Variants in LRRC4B observed in about 807,000 individuals in gnomAD.
LRRC4B encodes the protein leucine rich repeat containing 4B.
In LRRC4B, 1 loss-of-function variant was observed where a neutral mutation model predicts 7.3. That is an observed-to-expected ratio of 0.14 (90% CI 0.05 to 0.65). The LOEUF is 0.65. Ranked by LOEUF, LRRC4B falls within the 30% of genes least tolerant of loss-of-function variation. LRRC4B has a pLI of 0.84. For missense variants in LRRC4B, 730 were observed against 1,041.6 expected (o/e 0.70, Z 4.12); for synonymous variants, 500 against 499.2 (o/e 1.00, Z -0.02).
chr19:50,533,002 C>T (rs575710393), intron 2 of LRRC4B, among the ~76,000 whole-genome samples: 2 of 152,276 alleles, frequency 1.3e-5, no homozygotes, highest in Non-Finnish European at 2.9e-5. Context: ...TGCTTTTTAC[C>T]TTCGTGTGCA....
chr19:50,535,075 A>T (rs113053524), intron 2 of LRRC4B, among the ~76,000 whole-genome samples: 2 of 152,008 alleles, frequency 1.3e-5, no homozygotes, highest in South Asian at 4.2e-4. Context: ...TCACTGTGTT[A>T]GCCAGGATGG....
chr19:50,521,325 T>C (rs1980570768), intron 2 of LRRC4B, among the ~76,000 whole-genome samples: 1 of 152,056 alleles, frequency 6.6e-6, no homozygotes, highest in African/African-American at 2.4e-5. Context: ...GATTGAAAGG[T>C]GCTACATTGG....
At chr19:50,543,529 C>T (rs1045509171) in intron 2 of LRRC4B, among the ~76,000 whole-genome samples, 2 of 152,008 alleles carry the variant, frequency 1.3e-5, no homozygotes, top group Non-Finnish European at 2.9e-5. Context: ...CGGATGTCCC[C>T]CCGGTGTTGT....
Position 50,535,300 on chromosome 19 carries a change from G to C in LRRC4B, c.297+13242C>G, listed in dbSNP as rs1047263612. ...TGATTCTCCCACCTTAGCCTCCTGA[G>C]TAGCTGGGATTGCAGGTGCAAACAA... On this transcript the variant is annotated intron_variant, in intron 2 of 2. Transcript: ENST00000652263. Among the ~76,000 whole-genome samples the C allele has an allele frequency of 3.4e-4, 51 of 152,164 alleles. 2 individuals carry two copies. The highest frequency in any genetic ancestry group is 4.1e-4 in the South Asian group (2 of 4,828).
chr19:50,549,350 C>T (rs1244944117), intron 1 of LRRC4B, among the ~76,000 whole-genome samples: 22 of 152,194 alleles, frequency 1.4e-4, no homozygotes, highest in Admixed American at 1.3e-3. Context: ...CCCGCCCGGT[C>T]CCCTTGCCAC....
intron 2 of LRRC4B, among the ~76,000 whole-genome samples, chr19:50,532,787 C>T (rs781516542): frequency 3.9e-5 from 6 of 152,214 alleles, no homozygotes; most frequent in Admixed American, 2.0e-4. Context: ...AGGCCAAATT[C>T]GTGACAGACT....
intron 1 of LRRC4B, among the ~76,000 whole-genome samples, chr19:50,560,180 A>G (rs913297247): frequency 2.6e-5 from 4 of 152,132 alleles, no homozygotes; most frequent in South Asian, 4.2e-4. Context: ...CTGCATCGCC[A>G]TATCTAGGGT....
chr19:50,562,067 G>C (rs1251956850), intron 1 of LRRC4B, among the ~76,000 whole-genome samples: 1 of 151,254 alleles, frequency 6.6e-6, no homozygotes, highest in Middle Eastern at 3.4e-3. Context: ...GCAGTGAGCC[G>C]AGATCGCGCC....
chr19:50,522,757 C>T (rs1468979914), intron 2 of LRRC4B, among the ~76,000 whole-genome samples: 1 of 152,212 alleles, frequency 6.6e-6, no homozygotes, highest in East Asian at 1.9e-4. Flanking sequence ...GGATTACCGG[C>T]GTGAGCCACC....
At position 50,518,066 on chromosome 19, in the gene LRRC4B, C is replaced by A; in HGVS notation, c.1647G>T (p.Thr549=). The A allele has an allele frequency of 6.3e-7, 1 of 1,588,670 alleles. No individual in the cohort carries two copies. The highest frequency in any genetic ancestry group is 8.5e-7 in the Non-Finnish European group (1 of 1,170,332). Residue 549 remains threonine, a synonymous_variant, in exon 3 of 3, where the codon ACG becomes ACT. Coordinates refer to ENST00000652263, the MANE Select transcript of LRRC4B (RefSeq NM_001080457.2). ...TAPAPRSSRP[T]EKAFTVPITD... is the part of the protein sequence containing the mutation. ...TGATGGGCACCGTGAACGCCTTCTC[C>A]GTGGGCCGCGAGGAGCGCGGGGCGG... is the stretch of plus-strand genomic sequence containing the variant.
chr19:50,525,453 T>A (rs1183243888), intron 2 of LRRC4B, among the ~76,000 whole-genome samples: 2 of 150,928 alleles, frequency 1.3e-5, no homozygotes, highest in African/African-American at 4.9e-5. Context: ...TTGCCTAGGC[T>A]GGAGTGCAAT....
intron 1 of LRRC4B, among the ~76,000 whole-genome samples, chr19:50,554,295 G>A (rs375154655): frequency 3.3e-5 from 5 of 151,974 alleles, no homozygotes; most frequent in African/African-American, 1.2e-4. Context: ...GTACCTGGCC[G>A]AGGAAGCACA....
chr19:50,561,966 T>C (rs1196511833), intron 1 of LRRC4B, among the ~76,000 whole-genome samples: 1 of 151,296 alleles, frequency 6.6e-6, no homozygotes, highest in Non-Finnish European at 1.5e-5. Flanking sequence ...AATAAATAAA[T>C]AAGCCAGGTG....
chr19:50,517,359 C>T lies in LRRC4B; in HGVS notation c.*212G>A, dbSNP rs914008402. ...TCACCGGGGATTGGCGGGGGTGAGGCGAGGATCCCAGAGACTCCGCTCCTG... is the reference window on the plus strand; with the variant it reads ...TCACCGGGGATTGGCGGGGGTGAGGTGAGGATCCCAGAGACTCCGCTCCTG... On this transcript the variant is annotated 3_prime_UTR_variant, in exon 3 of 3. Coordinates refer to ENST00000652263, the MANE Select transcript of LRRC4B (RefSeq NM_001080457.2). The surrounding 1 kb of genome is among the most constrained non-coding windows in gnomAD (Gnocchi z 6.6). 2 of 400,024 alleles carry T rather than the reference C, an allele frequency of 5.0e-6. No individual in the cohort carries two copies. The highest frequency in any genetic ancestry group is 6.4e-4 in the Middle Eastern group (1 of 1,574). The allele number at this position is 400,024 out of a possible 1,614,324, so 24.8% of individuals were successfully genotyped here.
intron 2 of LRRC4B, among the ~76,000 whole-genome samples, chr19:50,530,925 AC>A (rs1211220176): frequency 1.2e-5 from 1 of 82,690 alleles, no homozygotes; most frequent in Non-Finnish European, 2.5e-5. Flanking sequence ...TTTAGTAGAA[AC>A]CTGGGGGGGG....
intron 2 of LRRC4B, among the ~76,000 whole-genome samples, chr19:50,545,950 C>A (rs976482137): frequency 2.0e-4 from 30 of 151,832 alleles, no homozygotes; most frequent in Non-Finnish European, 4.1e-4. Context: ...TCTTGAACTC[C>A]TGGGCTCAAG....
intron 2 of LRRC4B, among the ~76,000 whole-genome samples, chr19:50,546,203 C>T (rs542136879): frequency 2.0e-5 from 3 of 152,044 alleles, no homozygotes; most frequent in African/African-American, 7.2e-5. Context: ...AGCGTGGCAG[C>T]AGGCGCCTGT....
chr19:50,558,646 C>T (rs995451321), intron 1 of LRRC4B, among the ~76,000 whole-genome samples: 3 of 152,264 alleles, frequency 2.0e-5, no homozygotes, highest in South Asian at 2.1e-4. Flanking sequence ...GAGCACGTGA[C>T]GTATGTCGAG....
chr19:50,538,078 GA>G (rs1981369413), intron 2 of LRRC4B, among the ~76,000 whole-genome samples: 2 of 151,832 alleles, frequency 1.3e-5, no homozygotes, highest in East Asian at 3.9e-4. Context: ...TGCCTTTTTT[GA>G]GATGGAGTCT....
Sources: allele counts gnomAD v4.1 joint callset (sites outside exome capture counted in the v4.1 genomes callset), GRCh38; gene constraint gnomAD v4.1.1; non-coding constraint Gnocchi (gnomAD v3.1); transcripts MANE v1.5; gene names NCBI Gene and HGNC (gene_info 2026-07-23, HGNC 2026-07-21).